FLG2: variants seen among roughly 807,000 people sequenced by gnomAD.
The protein encoded by FLG2 is filaggrin-2.
In FLG2, 7 loss-of-function variants were observed where a neutral mutation model predicts 3.9. The ratio of observed to expected loss-of-function variants is 1.79; its 90% CI spans 1.02 to 3.36. The LOEUF is 3.36. FLG2 is among the 30% of genes most tolerant of loss of function. The pLI is 0.00. For synonymous variants in FLG2, 1,031 were observed against 1,056.1 expected (o/e 0.98, Z 0.46); for missense variants, 2,700 against 2,809.4 (o/e 0.96, Z 0.88).
At position 152,353,997 on chromosome 1, in the gene FLG2, C is replaced by T; in HGVS notation, c.3789G>A (p.Arg1263=). Residue 1263 remains arginine (R), a synonymous_variant, in exon 3 of 3, where the codon AGG becomes AGA. Coordinates refer to ENST00000388718, the MANE Select transcript of FLG2 (RefSeq NM_001014342.3). ...GQGQSTQTGS[R]VTRRRRSSQS... The stretch of plus-strand genomic sequence containing the variant: ...GGCTAGATCTTCGTCTTCTAGTTAC[C>T]CTGGACCCTGTCTGTGTGGATTGTC... The T allele has an allele frequency of 6.2e-7, 1 of 1,614,116 alleles. No individual in the cohort carries two copies. The highest frequency in any genetic ancestry group is 8.5e-7 in the Non-Finnish European group (1 of 1,180,030).
rs773572807 is a variant in FLG2, at chr1:152,356,464, C to A, written c.1322G>T (p.Gly441Val). The change falls in exon 3 of 3, where the codon GGG becomes GTG. Residue 441 changes from glycine (G) to valine (V), a missense_variant. Coordinates refer to ENST00000388718, the MANE Select transcript of FLG2 (RefSeq NM_001014342.3). ...TGAGCCACATACATGTTGTTCGAAC[C>A]CAGAGGACTGACTCAAGCCTGTTCC... is the stretch of plus-strand genomic sequence containing the variant. ...QHGTGLSQSS[G>V]FEQHVCGSGQ... 3.1e-6 allele frequency: 5 copies of A among 1,614,242 alleles called. No homozygotes were observed. The South Asian group carries it at 3.3e-5, about 11-fold the overall frequency.
rs144002069 is a variant in FLG2, at chr1:152,352,651, A to G, written c.5135T>C (p.Leu1712Ser). 1.7e-4 allele frequency: 280 copies of G among 1,602,550 alleles called. 1 individual carries two copies. The highest frequency in any genetic ancestry group is 1.0e-3 in the Middle Eastern group (6 of 5,980). ...TTRHAHYHHG[L>S]TTQTGSRTTG... Reference sequence around the variant, plus strand: ...AGTCCTGGACCCTGTCTGTGTGGTTAATCCATGATGATAGTGGGCATGTCT... The same window carrying G: ...AGTCCTGGACCCTGTCTGTGTGGTTGATCCATGATGATAGTGGGCATGTCT... Residue 1712 changes from leucine to serine, a missense_variant, in exon 3 of 3, where the codon TTA becomes TCA. Leu to Ser is a moderately radical substitution (Grantham distance 145, BLOSUM62 -2). Coordinates refer to ENST00000388718, the MANE Select transcript of FLG2 (RefSeq NM_001014342.3).
Position 152,350,739 on chromosome 1 carries a change from A to G in FLG2, c.7047T>C (p.Tyr2349=), listed in dbSNP as rs762378859. 6.2e-7 allele frequency: 1 copy of G among 1,614,206 alleles called. No homozygotes were observed. The highest frequency in any genetic ancestry group is 1.1e-5 in the South Asian group (1 of 91,084). ...GCCCATAGTCATATTCTGCAGGTCC[A>G]TAGCTGCCATGTTTCCAAACCTGAC... The part of the protein sequence containing the change: ...GSSQVWKHGS[Y]GPAEYDYGHT... Residue 2349 remains tyrosine (Y), a synonymous_variant, in exon 3 of 3, where the codon TAT becomes TAC. Transcript: ENST00000388718.
rs2282304 is a variant in FLG2, at chr1:152,357,466, C to T, written c.320G>A (p.Arg107Gln). Residue 107 changes from arginine (R) to glutamine (Q), a missense_variant, in exon 3 of 3, where the codon CGA (arginine) becomes CAA (glutamine). Coordinates refer to ENST00000388718, the MANE Select transcript of FLG2 (RefSeq NM_001014342.3). Reference sequence around the variant, plus strand: ...TGTTTCACTTTCTTCTTCTTGGTGTCGGTGACCACGCCTATGCTTCTTTGA... The same window carrying T: ...TGTTTCACTTTCTTCTTCTTGGTGTTGGTGACCACGCCTATGCTTCTTTGA... ...SGSKKHRRGH[R>Q]HQEEESETEE... is the part of the protein sequence containing the mutation. 4,621 of 1,614,080 alleles carry T rather than the reference C, an allele frequency of 2.9e-3. 73 individuals carry two copies. The Admixed American group carries it at 0.033, about 12-fold the overall frequency.
chr1:152,355,022 A>G lies in FLG2; in HGVS notation c.2764T>C (p.Tyr922His). The G allele has an allele frequency of 6.4e-7, 1 of 1,565,106 alleles. No individual in the cohort carries two copies. Residue 922 changes from tyrosine to histidine, a missense_variant, in exon 3 of 3, where the codon TAT becomes CAT. Tyr to His is a moderately conservative substitution (Grantham distance 83). Coordinates refer to ENST00000388718, the MANE Select transcript of FLG2 (RefSeq NM_001014342.3). Reference protein sequence around the residue: ...QHESRSHQSSYGQHGSGSSQS... With the variant: ...QHESRSHQSSHGQHGSGSSQS... ...CTTGAGCCAGAACCATGTTGGCCATAGCTAGACTGATGTGATCTAGACTCA... is the reference window on the plus strand; with the variant it reads ...CTTGAGCCAGAACCATGTTGGCCATGGCTAGACTGATGTGATCTAGACTCA...
intron 1 of FLG2, 107 bp from the exon 2 acceptor site, chr1:152,359,013 A>G: frequency 9.4e-7 from 1 of 1,063,248 alleles, no homozygotes; most frequent in Non-Finnish European, 1.3e-6. Context: ...TTGTTTTTTA[A>G]ATCTCAAAAC....
chr1:152,350,673 G>C lies in FLG2; in HGVS notation c.7113C>G (p.Ile2371Met). The C allele has an allele frequency of 6.2e-7, 1 of 1,614,180 alleles. No homozygotes were observed. The highest frequency in any genetic ancestry group is 8.5e-7 in the Non-Finnish European group (1 of 1,180,028). ...YGPSGGSRKSISNSHLSWSTD... is the reference protein window; with the variant it reads ...YGPSGGSRKSMSNSHLSWSTD... ...TTGACCATGAAAGGTGAGAATTACT[G>C]ATGCTTTTTCTGCTGCCACCAGAAG... is the stretch of plus-strand genomic sequence containing the variant. The change falls in exon 3 of 3, where the codon ATC becomes ATG. Residue 2371 changes from isoleucine to methionine, a missense_variant. Transcript: ENST00000388718.
In FLG2 at chr1:152,352,021, G is replaced by A; in HGVS notation, c.5765C>T (p.Thr1922Ile). Residue 1922 changes from threonine (T) to isoleucine (I), a missense_variant, in exon 3 of 3, where the codon ACT becomes ATT. By Grantham distance (89) the Thr-to-Ile change is moderately conservative. Coordinates refer to ENST00000388718, the MANE Select transcript of FLG2 (RefSeq NM_001014342.3). ...ESTVHKRHQTTHGQTGDTTEH... is the reference protein window; with the variant it reads ...ESTVHKRHQTIHGQTGDTTEH... Reference sequence around the variant, plus strand: ...AGTGGTATCTCCTGTCTGTCCATGAGTAGTTTGGTGTCTCTTGTGAACTGT... The same window carrying A: ...AGTGGTATCTCCTGTCTGTCCATGAATAGTTTGGTGTCTCTTGTGAACTGT... 6.2e-7 allele frequency: 1 copy of A among 1,613,644 alleles called. No individual in the cohort carries two copies. The highest frequency in any genetic ancestry group is 8.5e-7 in the Non-Finnish European group (1 of 1,179,918).
At chr1:152,358,401 T>C (rs963966332) in intron 2 of FLG2, among the ~76,000 whole-genome samples, 1 of 152,176 alleles carries the variant, frequency 6.6e-6, no homozygotes, top group African/African-American at 2.4e-5. Flanking sequence ...CAACTCCCTA[T>C]GTAGATGATT....
At position 152,350,834 on chromosome 1, in the gene FLG2, T is replaced by C; in HGVS notation, c.6952A>G (p.Thr2318Ala). 1 of 1,614,214 alleles carries C rather than the reference T, an allele frequency of 6.2e-7. No homozygotes were observed. Among genetic ancestry groups the C allele is most frequent in the South Asian group, 1.1e-5 (1 of 91,086 alleles). The change falls in exon 3 of 3, where the codon ACA becomes GCA. Residue 2318 changes from threonine to alanine, a missense_variant. Physicochemically the swap from Thr to Ala is moderately conservative, Grantham distance 58. Transcript: ENST00000388718. ...GHSGYGQSTQTGSRSSRASHF... is the reference protein window; with the variant it reads ...GHSGYGQSTQAGSRSSRASHF... ...CTTGCTCTACTAGATCTGGAACCTG[T>C]CTGTGTGGATTGTCCATAACCAGAA...
In FLG2 at chr1:152,357,222, A is replaced by G; in HGVS notation, c.564T>C (p.His188=). 1 of 1,614,144 alleles carries G rather than the reference A, an allele frequency of 6.2e-7. No homozygotes were observed. The highest frequency in any genetic ancestry group is 8.5e-7 in the Non-Finnish European group (1 of 1,180,036). The change falls in exon 3 of 3, where the codon CAT becomes CAC. Residue 188 remains histidine, a synonymous_variant. Coordinates refer to ENST00000388718, the MANE Select transcript of FLG2 (RefSeq NM_001014342.3). The part of the protein sequence containing the change: ...QKRYHRSSCG[H]SWSGGKDRHG... The stretch of plus-strand genomic sequence containing the variant: ...GTCTGTCTTTGCCACCACTCCATGA[A>G]TGACCACAGCTGGACCTGTGGTATC...
chr1:152,357,625 A>T lies in FLG2; in HGVS notation c.161T>A (p.Val54Glu). Residue 54 changes from valine to glutamate, a missense_variant, in exon 3 of 3, where the codon GTG becomes GAG. Val to Glu is a moderately radical substitution (Grantham distance 121). Transcript: ENST00000388718. Reference sequence around the variant, plus strand: ...ATCCAGCATATGCATGATGACATCCACTGTGTCTGGATCATCTGGGTTCTG... The same window carrying T: ...ATCCAGCATATGCATGATGACATCCTCTGTGTCTGGATCATCTGGGTTCTG... ...VLKNPDDPDT[V>E]DVIMHMLDRD... 1 of 1,613,310 alleles carries T rather than the reference A, an allele frequency of 6.2e-7. No homozygotes were observed. Among genetic ancestry groups the T allele is most frequent in the African/African-American group, 1.3e-5 (1 of 75,036 alleles).
Position 152,356,056 on chromosome 1 carries a change from G to C in FLG2, c.1730C>G (p.Ser577Cys). Reference protein sequence around the residue: ...FGQHGLGSGQSTGFGQYGSGS... With the variant: ...FGQHGLGSGQCTGFGQYGSGS... Reference sequence around the variant, plus strand: ...CGATCCATATTGGCCAAAGCCAGTGGATTGACCTGAGCCCAACCCATGTTG... The same window carrying C: ...CGATCCATATTGGCCAAAGCCAGTGCATTGACCTGAGCCCAACCCATGTTG... The change falls in exon 3 of 3, where the codon TCC becomes TGC. Residue 577 changes from serine to cysteine, a missense_variant. By Grantham distance (112) the Ser-to-Cys change is moderately radical. Coordinates refer to ENST00000388718, the MANE Select transcript of FLG2 (RefSeq NM_001014342.3). 1 of 1,613,820 alleles carries C rather than the reference G, an allele frequency of 6.2e-7. No individual in the cohort carries two copies. The highest frequency in any genetic ancestry group is 8.5e-7 in the Non-Finnish European group (1 of 1,179,978).
chr1:152,356,232 A>G lies in FLG2; in HGVS notation c.1554T>C (p.Phe518=). 1 of 1,614,052 alleles carries G rather than the reference A, an allele frequency of 6.2e-7. No homozygotes were observed. The highest frequency in any genetic ancestry group is 8.5e-7 in the Non-Finnish European group (1 of 1,180,000). The change falls in exon 3 of 3, where the codon TTT becomes TTC. Residue 518 remains phenylalanine, a synonymous_variant. Transcript: ENST00000388718. ...GTCCTGAGACAGACCCATGCTGTCC[A>G]AAACCAGAGGATTGTCCTGAGACAG... is the stretch of plus-strand genomic sequence containing the variant. ...HGSVSGQSSG[F]GQHGSVSGQS...
At position 152,351,212 on chromosome 1, in the gene FLG2, C is replaced by A; in HGVS notation, c.6574G>T (p.Ala2192Ser). Residue 2192 changes from alanine to serine, a missense_variant, in exon 3 of 3, where the codon GCC (alanine) becomes TCC (serine). Physicochemically the swap from Ala to Ser is moderately conservative, Grantham distance 99. Transcript: ENST00000388718. ...GTGTGTCCTGAATGTGTGGGTGAGG[C>A]CTCTGAGTGCACTTCACTATCACTG... is the stretch of plus-strand genomic sequence containing the variant. ...ESSDSEVHSE[A>S]SPTHSGHTHS... 1 of 1,613,304 alleles carries A rather than the reference C, an allele frequency of 6.2e-7. No homozygotes were observed. The highest frequency in any genetic ancestry group is 1.1e-5 in the South Asian group (1 of 91,020).
chr1:152,353,719 T>C lies in FLG2; in HGVS notation c.4067A>G (p.His1356Arg). ...GTGTGGTCTATGTGAGACCCCTGAG[T>C]GCACTTCACTGTCAGTGGCATCACT... ...SHSDATDSEV[H>R]SGVSHRPHSQ... is the part of the protein sequence containing the mutation. The change falls in exon 3 of 3, where the codon CAC (histidine) becomes CGC (arginine). Residue 1356 changes from histidine (H) to arginine (R), a missense_variant. By Grantham distance (29) the His-to-Arg change is conservative. Transcript: ENST00000388718. 1 of 1,614,190 alleles carries C rather than the reference T, an allele frequency of 6.2e-7. No homozygotes were observed. Among genetic ancestry groups the C allele is most frequent in the Non-Finnish European group, 8.5e-7 (1 of 1,180,020 alleles).
chr1:152,352,310 G>A lies in FLG2; in HGVS notation c.5476C>T (p.His1826Tyr), dbSNP rs1653975100. 1 of 1,613,464 alleles carries A rather than the reference G, an allele frequency of 6.2e-7. No homozygotes were observed. The highest frequency in any genetic ancestry group is 8.5e-7 in the Non-Finnish European group (1 of 1,179,854). ...SQRPHSRGHT[H>Y]GQAGSQHGES... is the part of the protein sequence containing the mutation. ...CCATGTTGAGATCCAGCCTGGCCGT[G>A]AGTGTGTCCTCGTGAGTGTGGTCTT... Residue 1826 changes from histidine to tyrosine, a missense_variant, in exon 3 of 3, where the codon CAC (histidine) becomes TAC (tyrosine). His to Tyr is a moderately conservative substitution (Grantham distance 83). Transcript: ENST00000388718.
In FLG2 at chr1:152,357,485, T is replaced by C. The variant is rs1231129916; in HGVS notation, c.301A>G (p.Lys101Glu). The change falls in exon 3 of 3, where the codon AAG becomes GAG. Residue 101 changes from lysine (K) to glutamate (E), a missense_variant. Lys to Glu is a moderately conservative substitution (Grantham distance 56). Coordinates refer to ENST00000388718, the MANE Select transcript of FLG2 (RefSeq NM_001014342.3). Reference sequence around the variant, plus strand: ...TGGTGTCGGTGACCACGCCTATGCTTCTTTGACCCTGAAGCTTTGCAGTAT... The same window carrying C: ...TGGTGTCGGTGACCACGCCTATGCTCCTTTGACCCTGAAGCTTTGCAGTAT... ...KEYCKASGSKKHRRGHRHQEE... is the reference protein window; with the variant it reads ...KEYCKASGSKEHRRGHRHQEE... 2 of 1,614,092 alleles carry C rather than the reference T, an allele frequency of 1.2e-6. No homozygotes were observed. Among genetic ancestry groups the C allele is most frequent in the African/African-American group, 1.3e-5 (1 of 74,946 alleles).
Position 152,351,813 on chromosome 1 carries a change from A to T in FLG2, c.5973T>A (p.His1991Gln). ...SHYPESGSSV[H>Q]ERHGTTHGQT... ...GTCCATGAGTAGTTCCGTGTCTCTC[A>T]TGAACTGAGGATCCTGACTCTGGAT... The change falls in exon 3 of 3, where the codon CAT becomes CAA. Residue 1991 changes from histidine to glutamine, a missense_variant. Transcript: ENST00000388718. 6.2e-7 allele frequency: 1 copy of T among 1,609,182 alleles called. No individual in the cohort carries two copies. The highest frequency in any genetic ancestry group is 1.1e-5 in the South Asian group (1 of 90,856).
Sources: gnomAD v4.1 joint callset for allele counts (sites outside exome capture counted in the v4.1 genomes callset) on GRCh38, gnomAD v4.1.1 for gene constraint, MANE v1.5 for transcripts, NCBI Gene and HGNC (gene_info 2026-07-23, HGNC 2026-07-21) for gene names.